The following NRXN2 variants were observed in gnomAD, a reference collection of about 807,000 sequenced individuals.
The protein encoded by NRXN2 is neurexin-2-beta.
Under a neutral mutation model 128.8 loss-of-function variants are expected in NRXN2, and 29 were observed. The ratio of observed to expected loss-of-function variants is 0.23; its 90% CI spans 0.17 to 0.31. The LOEUF (loss-of-function observed/expected upper bound fraction) is 0.31. NRXN2 is among the 10% of genes least tolerant of loss of function. NRXN2 has a pLI of 1.00. For missense variants in NRXN2, 1,881 were observed against 2,452.6 expected (o/e 0.77, Z 4.92); for synonymous variants, 1,098 against 1,075.2 (o/e 1.02, Z -0.41).
At chr11:64,663,726 G>C (rs1002778023) in intron 9 of NRXN2, among the ~76,000 whole-genome samples, 2 of 152,154 alleles carry the variant, frequency 1.3e-5, no homozygotes, top group Non-Finnish European at 2.9e-5. Context: ...GGGTCAACAA[G>C]AGGAAGCCAT....
chr11:64,664,068 G>A (rs2049428593), intron 9 of NRXN2, among the ~76,000 whole-genome samples: 1 of 152,142 alleles, frequency 6.6e-6, no homozygotes, highest in African/African-American at 2.4e-5. Flanking sequence ...GTGTTTAATG[G>A]GCCAGAGTTT....
At chr11:64,696,456 CACAG>C (rs2054538117) in intron 3 of NRXN2, among the ~76,000 whole-genome samples, 1 of 151,970 alleles carries the variant, frequency 6.6e-6, no homozygotes, top group East Asian at 1.9e-4. Context: ...CAGGCGTGCA[CACAG>C]ACACACAGAC....
intron 3 of NRXN2, among the ~76,000 whole-genome samples, chr11:64,695,639 A>G (rs1565434142): frequency 6.6e-6 from 1 of 152,026 alleles, no homozygotes; most frequent in Non-Finnish European, 1.5e-5. Flanking sequence ...GTGATAGGTG[A>G]CCAAATTAAG....
At chr11:64,620,743 C>G (rs1002821881) in intron 21 of NRXN2, among the ~76,000 whole-genome samples, 1 of 149,306 alleles carries the variant, frequency 6.7e-6, no homozygotes, top group African/African-American at 2.5e-5. Flanking sequence ...CCCTATGGGG[C>G]GGAGCCTGCA....
intron 9 of NRXN2, among the ~76,000 whole-genome samples, chr11:64,664,289 C>G (rs1384840266): frequency 6.6e-6 from 1 of 151,056 alleles, no homozygotes; most frequent in African/African-American, 2.4e-5. Context: ...CCAGCCTGAT[C>G]AACATGGTGA....
intron 2 of NRXN2, among the ~76,000 whole-genome samples, chr11:64,711,522 C>T (rs1242915850): frequency 6.6e-6 from 1 of 152,072 alleles, no homozygotes. Context: ...CCGCCCCGGG[C>T]CGCTCAGCCC....
At chr11:64,675,911 T>C (rs1330207074) in intron 7 of NRXN2, 1 of 154,306 alleles carries the variant, frequency 6.5e-6, no homozygotes, top group Non-Finnish European at 1.4e-5. Context: ...CGCCAACATT[T>C]ACACACAGTC....
At chr11:64,636,148 G>A (rs1465755893) in intron 17 of NRXN2, among the ~76,000 whole-genome samples, 1 of 151,570 alleles carries the variant, frequency 6.6e-6, no homozygotes, top group Admixed American at 6.6e-5. Flanking sequence ...AGCCAGAGGA[G>A]GAAGGAGGCA....
chr11:64,689,241 T>TG (rs1489175724), intron 5 of NRXN2, among the ~76,000 whole-genome samples: 1 of 148,614 alleles, frequency 6.7e-6, no homozygotes, highest in African/African-American at 2.4e-5. Context: ...TCTTTCTCAA[T>TG]GATTTTTTTT....
rs760954823 is a variant in NRXN2 at position 64,652,079 on chromosome 11, C to A, written c.2492G>T (p.Arg831Leu). 2.1e-5 allele frequency: 34 copies of A among 1,613,274 alleles called. No individual in the cohort carries two copies. The African/African-American group carries it at 4.0e-4, about 19-fold the overall frequency. ...CACAGACAGCTGCAGGCTCTTGCCA[C>A]GCCGGACCACCCTCACCGTGTGCCA... Reference protein sequence around the residue: ...NEWHTVRVVRRGKSLQLSVDN... With the variant: ...NEWHTVRVVRLGKSLQLSVDN... Residue 831 changes from arginine to leucine, a missense_variant, in exon 13 of 23, where the codon CGT (arginine) becomes CTT (leucine). Around this residue, in one of 7 missense-constraint regions of NRXN2, gnomAD observed 997 missense variants for 1,240.8 expected, o/e 0.80. Coordinates refer to ENST00000265459, the MANE Select transcript of NRXN2 (RefSeq NM_015080.4).
At chr11:64,663,957 A>G (rs2135497040) in intron 9 of NRXN2, among the ~76,000 whole-genome samples, 1 of 152,376 alleles carries the variant, frequency 6.6e-6, no homozygotes, top group African/African-American at 2.4e-5. Flanking sequence ...GACAAATATT[A>G]TATGATTCCA....
intron 2 of NRXN2, among the ~76,000 whole-genome samples, chr11:64,709,190 CAAAAAAAAAAAAA>C (rs112450142): frequency 8.4e-5 from 7 of 83,440 alleles, no homozygotes; most frequent in African/African-American, 8.3e-5. Flanking sequence ...GACTCCATCT[CAAAAAAAAAAAAA>C]AAAAAAAAAA....
intron 6 of NRXN2, among the ~76,000 whole-genome samples, chr11:64,677,574 A>G (rs1391369166): frequency 6.6e-6 from 1 of 152,232 alleles, no homozygotes; most frequent in African/African-American, 2.4e-5. Context: ...GCGTGTTAGT[A>G]ACACACACAG....
intron 19 of NRXN2, among the ~76,000 whole-genome samples, chr11:64,628,628 A>G (rs2043413626): frequency 6.6e-6 from 1 of 152,162 alleles, no homozygotes; most frequent in South Asian, 2.1e-4. Context: ...CTGGCTTGAC[A>G]TGGTGAGGCC....
At chr11:64,706,746 T>C (rs1399521307) in intron 2 of NRXN2, among the ~76,000 whole-genome samples, 3 of 152,000 alleles carry the variant, frequency 2.0e-5, no homozygotes, top group African/African-American at 7.3e-5. Context: ...TCAAACGACT[T>C]CCCCCAACCA....
At chr11:64,695,910 A>C (rs1238619798) in intron 3 of NRXN2, among the ~76,000 whole-genome samples, 2 of 151,700 alleles carry the variant, frequency 1.3e-5, no homozygotes, top group Non-Finnish European at 2.9e-5. Context: ...GTTCCTGTCT[A>C]TCAGCCCCTT....
At chr11:64,685,320 C>T (rs1392631867) in intron 6 of NRXN2, among the ~76,000 whole-genome samples, 1 of 152,160 alleles carries the variant, frequency 6.6e-6, no homozygotes, top group Non-Finnish European at 1.5e-5. Flanking sequence ...GAATTGCCCT[C>T]CTGCTAAATC....
chr11:64,614,964 G>A (rs1448741613), intron 22 of NRXN2, among the ~76,000 whole-genome samples: 1 of 152,200 alleles, frequency 6.6e-6, no homozygotes, highest in African/African-American at 2.4e-5. Flanking sequence ...AGGTGAGAAA[G>A]AGTGAAACGG....
chr11:64,674,022 A>G (rs1171945849), intron 7 of NRXN2, among the ~76,000 whole-genome samples: 1 of 147,176 alleles, frequency 6.8e-6, no homozygotes, highest in African/African-American at 2.6e-5. Flanking sequence ...TAGGCAACAC[A>G]GCAAGACTCT....
Sources: allele counts gnomAD v4.1 joint callset (sites outside exome capture counted in the v4.1 genomes callset), GRCh38; gene constraint gnomAD v4.1.1; regional missense constraint gnomAD v4.1.1; transcripts MANE v1.5; gene names NCBI Gene and HGNC (gene_info 2026-07-23, HGNC 2026-07-21).